ANKH: variants seen among roughly 807,000 people sequenced by gnomAD.
The protein encoded by ANKH is mineralization regulator ANKH.
A neutral mutation model predicts 49.0 loss-of-function variants in ANKH; 15 were observed. The ratio of observed to expected loss-of-function variants is 0.31; its 90% CI spans 0.20 to 0.47. ANKH has a LOEUF of 0.47. Among genes scored for constraint, ANKH ranks in the 20% least tolerant of loss-of-function variants. The probability of loss-of-function intolerance (pLI) is 1.00; values close to 1 mark genes in which losing one functional copy is unlikely to be tolerated. For synonymous variants in ANKH, 273 were observed against 260.0 expected (o/e 1.05, Z -0.48); for missense variants, 429 against 652.0 (o/e 0.66, Z 3.72).
chr5:14,835,900 A>G (rs994814983), intron 1 of ANKH, among the ~76,000 whole-genome samples: 4 of 152,236 alleles, frequency 2.6e-5, no homozygotes, highest in African/African-American at 7.2e-5. Context: ...CCAGCAGCAC[A>G]TCAAAAAGCT....
At chr5:14,711,958 G>A (rs1737229208) in intron 11 of ANKH, among the ~76,000 whole-genome samples, 1 of 152,166 alleles carries the variant, frequency 6.6e-6, no homozygotes, top group African/African-American at 2.4e-5. Context: ...AACCCCGCTG[G>A]TCCCCCATCC....
intron 1 of ANKH, among the ~76,000 whole-genome samples, chr5:14,844,376 C>G (rs564149628): frequency 1.8e-4 from 27 of 152,208 alleles, no homozygotes; most frequent in Non-Finnish European, 3.2e-4. Flanking sequence ...TGTTTTAGTG[C>G]TTTTGCCAAA....
At position 14,718,971 on chromosome 5, in the gene ANKH, G is replaced by A. The variant is rs188762660; in HGVS notation, c.1012-2136C>T. Among the ~76,000 whole-genome samples, 5 of 152,136 alleles carry A rather than the reference G, an allele frequency of 3.3e-5. No individual in the cohort carries two copies. The South Asian group carries it at 6.3e-4, about 19-fold the overall frequency. ...GGCATGCAAATGAAGCACAGGAGAA[G>A]AGAGTTAAAGAAACAAAGTCCAACA... On this transcript the variant is annotated intron_variant, in intron 8 of 11. Transcript: ENST00000284268.
intron 8 of ANKH, among the ~76,000 whole-genome samples, chr5:14,740,858 T>A (rs1738330751): frequency 6.6e-6 from 1 of 152,220 alleles, no homozygotes; most frequent in Non-Finnish European, 1.5e-5. Flanking sequence ...GTCCTCTTTA[T>A]TAGTTATTGA....
rs139080847 is a variant in ANKH at position 14,811,253 on chromosome 5, A to C, written c.97-42062T>G. On this transcript the variant is annotated intron_variant, in intron 1 of 11. Transcript: ENST00000284268. ...CCTTCATATTCCTTATTCATACACG[A>C]TAAAAAGACAGTGCTGACCAATAAC... 3.1e-3 allele frequency among the ~76,000 whole-genome samples: 466 copies of C among 152,280 alleles called. 1 individual carries two copies. The highest frequency in any genetic ancestry group is 0.011 in the African/African-American group (453 of 41,528).
chr5:14,784,888 A>G (rs1290505183), intron 1 of ANKH, among the ~76,000 whole-genome samples: 1 of 147,138 alleles, frequency 6.8e-6, no homozygotes, highest in Non-Finnish European at 1.5e-5. Context: ...ACAACCCCCA[A>G]TCAAGGCTCC....
intron 1 of ANKH, among the ~76,000 whole-genome samples, chr5:14,810,663 C>T (rs893343945): frequency 6.6e-6 from 1 of 152,132 alleles, no homozygotes; most frequent in African/African-American, 2.4e-5. Context: ...GAATCTCTTG[C>T]AGCATTAAGA....
chr5:14,705,135 C>T lies in ANKH; in HGVS notation c.*6062G>A, dbSNP rs1218945563. The T allele has an allele frequency of 6.6e-6, 1 of 152,174 alleles. No individual in the cohort carries two copies. The highest frequency in any genetic ancestry group is 1.5e-5 in the Non-Finnish European group (1 of 68,050). The allele number at this position is 152,174 out of a possible 1,614,324, so 9.4% of individuals were successfully genotyped here. A position where few individuals can be genotyped will look rare whatever the true frequency, so the allele number is the denominator to read the frequency against. ...TCAGCCTCCCAAGTAGCTGGGACTACAGATGCACACCACTGTGCCCAGCTA... is the reference window on the plus strand; with the variant it reads ...TCAGCCTCCCAAGTAGCTGGGACTATAGATGCACACCACTGTGCCCAGCTA... On this transcript the variant is annotated 3_prime_UTR_variant, in exon 12 of 12. Coordinates refer to ENST00000284268, the MANE Select transcript of ANKH (RefSeq NM_054027.6).
At chr5:14,787,943 A>G (rs967656751) in intron 1 of ANKH, among the ~76,000 whole-genome samples, 1 of 152,204 alleles carries the variant, frequency 6.6e-6, no homozygotes, top group African/African-American at 2.4e-5. Flanking sequence ...TCACTTTCCT[A>G]TTAGTGCTGG....
intron 1 of ANKH, among the ~76,000 whole-genome samples, chr5:14,850,675 G>A (rs1407495711): frequency 6.6e-6 from 1 of 152,228 alleles, no homozygotes; most frequent in Non-Finnish European, 1.5e-5. Context: ...TCCCTCTCCT[G>A]GAGCTGGCTG....
intron 6 of ANKH, among the ~76,000 whole-genome samples, chr5:14,746,761 T>C (rs1580029258): frequency 6.6e-6 from 1 of 152,208 alleles, no homozygotes; most frequent in African/African-American, 2.4e-5. Flanking sequence ...CAAGGACAGC[T>C]TGGAGGTTGG....
chr5:14,755,901 A>G lies in ANKH; in HGVS notation c.476T>C (p.Phe159Ser). 2 of 1,614,126 alleles carry G rather than the reference A, an allele frequency of 1.2e-6. No individual in the cohort carries two copies. The highest frequency in any genetic ancestry group is 1.7e-6 in the Non-Finnish European group (2 of 1,179,964). ...TGAGATTGAGGCACATCCCACCAGG[A>G]AACTGTATTTGTGTTTTAAGAGAAT... Reference protein sequence around the residue: ...AGILLKHKYSFLVGCASISDV... With the variant: ...AGILLKHKYSSLVGCASISDV... The change falls in exon 4 of 12, where the codon TTC becomes TCC. Residue 159 changes from phenylalanine (F) to serine (S), a missense_variant. Physicochemically the swap from Phe to Ser is radical, Grantham distance 155. Transcript: ENST00000284268.
intron 1 of ANKH, among the ~76,000 whole-genome samples, chr5:14,782,013 T>C (rs1739821954): frequency 2.0e-5 from 3 of 152,124 alleles, no homozygotes; most frequent in South Asian, 2.1e-4. Context: ...TGCTTGGTAG[T>C]AGATTTTTTT....
intron 11 of ANKH, 26 bp from the exon 12 acceptor site, chr5:14,711,336 T>TG (rs1553999192): frequency 5.0e-6 from 8 of 1,599,512 alleles, no homozygotes; most frequent in Non-Finnish European, 6.0e-6. Context: ...CTCATCAGTG[T>TG]GGGGCTGTGG....
At position 14,707,657 on chromosome 5, in the gene ANKH, G is replaced by T. The variant is rs889186083; in HGVS notation, c.*3540C>A. On this transcript the variant is annotated 3_prime_UTR_variant, in exon 12 of 12. Coordinates refer to ENST00000284268, the MANE Select transcript of ANKH (RefSeq NM_054027.6). The stretch of plus-strand genomic sequence containing the variant: ...CCCCATCCTGGGCCCCCCACCCCCT[G>T]CACCTCCCAAGGTTATTTATTGGGA... 6.6e-6 allele frequency: 1 copy of T among 151,954 alleles called. No individual in the cohort carries two copies. Among genetic ancestry groups the T allele is most frequent in the Non-Finnish European group, 1.5e-5 (1 of 67,994 alleles). 9.4% of individuals were successfully genotyped at this position (151,954 alleles called of 1,614,324 possible).
chr5:14,722,548 C>T (rs942391115), intron 8 of ANKH, among the ~76,000 whole-genome samples: 14 of 152,082 alleles, frequency 9.2e-5, no homozygotes, highest in South Asian at 2.1e-4. Context: ...AATGGGAACA[C>T]GGCAAAGGGA....
intron 1 of ANKH, among the ~76,000 whole-genome samples, chr5:14,847,017 A>C (rs530606261): frequency 2.0e-5 from 3 of 151,882 alleles, no homozygotes; most frequent in African/African-American, 7.2e-5. Context: ...AAAAAAAAAA[A>C]AAAAACAATG....
chr5:14,815,884 G>A (rs1227220649), intron 1 of ANKH, among the ~76,000 whole-genome samples: 3 of 152,188 alleles, frequency 2.0e-5, no homozygotes, highest in South Asian at 4.1e-4. Flanking sequence ...GGCACAGATC[G>A]AGGGCGCTGG....
intron 3 of ANKH, among the ~76,000 whole-genome samples, chr5:14,756,630 G>T (rs1738894145): frequency 6.6e-6 from 1 of 152,194 alleles, no homozygotes; most frequent in East Asian, 1.9e-4. Context: ...CTATTCCCCA[G>T]GTCCATGTCA....
Sources: allele counts gnomAD v4.1 joint callset (sites outside exome capture counted in the v4.1 genomes callset), GRCh38; gene constraint gnomAD v4.1.1; transcripts MANE v1.5; gene names NCBI Gene and HGNC (gene_info 2026-07-23, HGNC 2026-07-21).